ACSL3: variants seen among roughly 807,000 people sequenced by gnomAD.
ACSL3 encodes acyl-CoA synthetase long chain family member 3.
A neutral mutation model predicts 84.7 loss-of-function variants in ACSL3; 34 were observed. The observed-to-expected ratio is 0.40, with a 90% CI of 0.31 to 0.53. The LOEUF is 0.53. Ranked by LOEUF, ACSL3 falls within the 20% of genes least tolerant of loss-of-function variation. The pLI is 0.48. For synonymous variants in ACSL3, 315 were observed against 299.4 expected, an observed-to-expected ratio of 1.05 and a Z score of -0.54; for missense variants, 680 against 873.1, an observed-to-expected ratio of 0.78 and a Z score of 2.79.
At chr2:222,928,726 T>G in intron 12 of ACSL3, 136 bp from the exon 13 acceptor site, 1 of 740,670 alleles carries the variant, frequency 1.4e-6, no homozygotes, top group Non-Finnish European at 2.2e-6. Flanking sequence ...GCTTCACCAA[T>G]ATGTGACTTC....
At chr2:222,873,541 G>A (rs946188966) in intron 1 of ACSL3, among the ~76,000 whole-genome samples, 1 of 152,064 alleles carries the variant, frequency 6.6e-6, no homozygotes, top group African/African-American at 2.4e-5. Context: ...AGAAAGTTTG[G>A]AAAATACGTA....
intron 11 of ACSL3, among the ~76,000 whole-genome samples, chr2:222,924,956 G>C (rs1696837509): frequency 1.3e-5 from 2 of 151,990 alleles, no homozygotes; most frequent in Admixed American, 1.3e-4. Flanking sequence ...AACCCAGGAG[G>C]CGGAGCTTGC....
chr2:222,887,473 G>A (rs1695751096), intron 1 of ACSL3, among the ~76,000 whole-genome samples: 1 of 152,122 alleles, frequency 6.6e-6, no homozygotes, highest in Non-Finnish European at 1.5e-5. Flanking sequence ...TATATTTGGA[G>A]TATGTTTAGT....
chr2:222,916,473 C>T lies in ACSL3; in HGVS notation c.533C>T (p.Ala178Val). The change falls in exon 5 of 17, where the codon GCG (alanine) becomes GTG (valine). Residue 178 changes from alanine to valine, a missense_variant. By Grantham distance (64) the Ala-to-Val change is moderately conservative. This residue lies in a region of ACSL3 where 333 missense variants were observed against 347.5 expected (regional missense o/e 0.96). Coordinates refer to ENST00000357430, the MANE Select transcript of ACSL3 (RefSeq NM_004457.5). ...TRAEWMIAAQ[A>V]CFMYNFQLVT... ...GCCGAGTGGATGATAGCTGCACAGG[C>T]GTGTTTTATGTATAATTTTCAGCGT... The T allele has an allele frequency of 6.2e-7, 1 of 1,606,866 alleles. No homozygotes were observed. Among genetic ancestry groups the T allele is most frequent in the Non-Finnish European group, 8.5e-7 (1 of 1,176,804 alleles).
At chr2:222,883,908 C>A (rs1259506573) in intron 1 of ACSL3, among the ~76,000 whole-genome samples, 2 of 152,006 alleles carry the variant, frequency 1.3e-5, no homozygotes, top group Admixed American at 1.3e-4. Flanking sequence ...AGAACTTTTT[C>A]TTATTTTTAT....
chr2:222,937,313 T>C (rs1249976745), intron 16 of ACSL3, among the ~76,000 whole-genome samples: 4 of 152,200 alleles, frequency 2.6e-5, no homozygotes, highest in African/African-American at 9.6e-5. Context: ...TTATTAGTTA[T>C]GAAGGTTGTG....
chr2:222,927,926 G>A lies in ACSL3; in HGVS notation c.1465+737G>A, dbSNP rs3213905. 4.8e-4 allele frequency among the ~76,000 whole-genome samples: 73 copies of A among 151,954 alleles called. No individual in the cohort carries two copies. The East Asian group carries it at 6.8e-3, about 14-fold the overall frequency. Reference sequence around the variant, plus strand: ...TTTTTCAGTTATGTTCTCTGTTTTCGTATATTTTTGGAAGCTAGTTCTAAG... The same window carrying A: ...TTTTTCAGTTATGTTCTCTGTTTTCATATATTTTTGGAAGCTAGTTCTAAG... On this transcript the variant is annotated intron_variant, in intron 12 of 16. Coordinates refer to ENST00000357430, the MANE Select transcript of ACSL3 (RefSeq NM_004457.5).
chr2:222,924,777 A>C (rs1004005485), intron 11 of ACSL3, among the ~76,000 whole-genome samples, 182 bp downstream of exon 11: 2 of 152,034 alleles, frequency 1.3e-5, no homozygotes, highest in African/African-American at 4.8e-5. Flanking sequence ...TAATCCCAGC[A>C]CTTTGGGAGG....
At chr2:222,893,003 G>A (rs1695879434) in intron 2 of ACSL3, among the ~76,000 whole-genome samples, 1 of 152,116 alleles carries the variant, frequency 6.6e-6, no homozygotes, top group Non-Finnish European at 1.5e-5. Context: ...CTTCATTAGA[G>A]ATAAAATGCT....
At chr2:222,922,866 A>G (rs1442774127) in intron 9 of ACSL3, 35 bp downstream of exon 9, 1 of 1,611,888 alleles carries the variant, frequency 6.2e-7, no homozygotes, top group East Asian at 2.2e-5. Context: ...AATACTAAAA[A>G]ATCATAGTGA....
intron 13 of ACSL3, among the ~76,000 whole-genome samples, chr2:222,929,567 G>T (rs1239693928): frequency 3.3e-5 from 5 of 152,246 alleles, no homozygotes; most frequent in South Asian, 4.2e-4. Context: ...GGATCATGGG[G>T]TCAGGAGTTC....
At chr2:222,892,197 C>A (rs1320508426) in intron 2 of ACSL3, among the ~76,000 whole-genome samples, 1 of 152,288 alleles carries the variant, frequency 6.6e-6, no homozygotes, top group South Asian at 2.1e-4. Context: ...CACTGTATTA[C>A]ACATAATAAG....
rs115803970 is a variant in ACSL3 at position 222,913,602 on chromosome 2, C to T, written c.379-2717C>T. ...AGGCCTCCTTGCTTCCACACTTGCC[C>T]CCAACTGTAATTCACTCACACACAG... On this transcript the variant is annotated intron_variant, in intron 4 of 16. Coordinates refer to ENST00000357430, the MANE Select transcript of ACSL3 (RefSeq NM_004457.5). Among the ~76,000 whole-genome samples, 461 of 152,234 alleles carry T rather than the reference C, an allele frequency of 3.0e-3. 4 individuals are homozygous for T. The highest frequency in any genetic ancestry group is 0.011 in the African/African-American group (447 of 41,538).
chr2:222,926,983 TA>T (rs759395082), intron 11 of ACSL3, 33 bp from the exon 12 acceptor site: 8 of 1,600,028 alleles, frequency 5.0e-6, no homozygotes. Flanking sequence ...CATTCAGTTT[TA>T]AAATCCTGTG....
rs145651020 is a variant in ACSL3 at position 222,916,468 on chromosome 2, A to G, written c.528A>G (p.Ala176=). Reference sequence around the variant, plus strand: ...CCAGGGCCGAGTGGATGATAGCTGCACAGGCGTGTTTTATGTATAATTTTC... The same window carrying G: ...CCAGGGCCGAGTGGATGATAGCTGCGCAGGCGTGTTTTATGTATAATTTTC... ...CETRAEWMIA[A]QACFMYNFQL... The change falls in exon 5 of 17, where the codon GCA becomes GCG. Residue 176 remains alanine (A), a synonymous_variant. Coordinates refer to ENST00000357430, the MANE Select transcript of ACSL3 (RefSeq NM_004457.5). 6.1e-3 allele frequency: 9,909 copies of G among 1,611,758 alleles called. 29 individuals are homozygous for G. Among genetic ancestry groups the G allele is most frequent in the Non-Finnish European group, 7.8e-3 (9,155 of 1,178,874 alleles).
intron 2 of ACSL3, among the ~76,000 whole-genome samples, chr2:222,893,823 G>A (rs1407641212): frequency 6.6e-6 from 1 of 151,418 alleles, no homozygotes; most frequent in African/African-American, 2.4e-5. Context: ...TTTTCTCACA[G>A]GGTTTCTTTC....
At position 222,944,290 on chromosome 2, in the gene ACSL3, C is replaced by T. The variant is rs940093171; in HGVS notation, c.*2636C>T. On this transcript the variant is annotated 3_prime_UTR_variant, in exon 17 of 17. Transcript: ENST00000357430. ...TGCTGCTAAAATACTCAAGATTTTG[C>T]CATTTTTAAACAACCAGTCCCTGTG... The T allele has an allele frequency of 6.6e-6, 1 of 152,106 alleles. No homozygotes were observed. Among genetic ancestry groups the T allele is most frequent in the South Asian group, 2.1e-4 (1 of 4,828 alleles). 9.4% of individuals were successfully genotyped at this position (152,106 alleles called of 1,614,324 possible). A position where few individuals can be genotyped will look rare whatever the true frequency, so the allele number is the denominator to read the frequency against.
chr2:222,915,841 A>T (rs1215155174), intron 4 of ACSL3, among the ~76,000 whole-genome samples: 1 of 152,210 alleles, frequency 6.6e-6, no homozygotes, highest in Non-Finnish European at 1.5e-5. Context: ...GTTAGCTTGG[A>T]TAGAGAAAGT....
At chr2:222,903,172 T>C (rs1436853078) in intron 3 of ACSL3, among the ~76,000 whole-genome samples, 2 of 152,230 alleles carry the variant, frequency 1.3e-5, no homozygotes, top group East Asian at 3.8e-4. Context: ...AGGTCTGGCT[T>C]CGTGGCCCAG....
Sources: allele counts gnomAD v4.1 joint callset (sites outside exome capture counted in the v4.1 genomes callset), GRCh38; gene constraint gnomAD v4.1.1; regional missense constraint gnomAD v4.1.1; transcripts MANE v1.5; gene names NCBI Gene and HGNC (gene_info 2026-07-23, HGNC 2026-07-21).